Variants in CELF2 observed in about 807,000 individuals in gnomAD.
CELF2 encodes the protein CUGBP Elav-like family member 2.
A neutral mutation model predicts 62.6 loss-of-function variants in CELF2; 8 were observed. That is an observed-to-expected ratio of 0.13 (90% CI 0.07 to 0.23). The LOEUF is 0.23. Among genes scored for constraint, CELF2 ranks in the 10% least tolerant of loss-of-function variants. The pLI is 1.00. For missense variants in CELF2, 333 were observed against 671.0 expected, an observed-to-expected ratio of 0.50 and a Z score of 5.56; for synonymous variants, 258 against 250.0, an observed-to-expected ratio of 1.03 and a Z score of -0.30.
chr10:11,018,116 C>A lies in CELF2; in HGVS notation c.27C>A (p.Phe9Leu). The A allele has an allele frequency of 6.6e-7, 1 of 1,512,516 alleles. No individual in the cohort carries two copies. The allele number at this position is 1,512,516 out of a possible 1,614,324, so 93.7% of individuals were successfully genotyped here. A position where few individuals can be genotyped will look rare whatever the true frequency, so the allele number is the denominator to read the frequency against. The part of the protein sequence containing the change: MTSAFKLD[F>L]LPDMMVEGRL... ...TGACTTCTGCCTTCAAGCTGGATTT[C>A]CTCCCGGACATGATGGTCGAGGGCC... is the stretch of plus-strand genomic sequence containing the variant. The change falls in exon 1 of 13, where the codon TTC becomes TTA. Residue 9 changes from phenylalanine to leucine, a missense_variant. Phe to Leu is a conservative substitution (Grantham distance 22). Coordinates refer to ENST00000633077, the MANE Select transcript of CELF2 (RefSeq NM_001326342.2).
At chr10:11,108,915 A>G (rs2054393944) in intron 1 of CELF2, among the ~76,000 whole-genome samples, 1 of 152,144 alleles carries the variant, frequency 6.6e-6, no homozygotes, top group Non-Finnish European at 1.5e-5. Context: ...AATCTCTTCT[A>G]TAGTCTGGAT....
the CELF2 span, among the ~76,000 whole-genome samples, chr10:10,625,076 C>T: frequency 6.6e-6 from 1 of 152,162 alleles, no homozygotes; most frequent in South Asian, 2.1e-4. Context: ...TTCACACTGC[C>T]CTTTTGTGAC....
At chr10:10,559,786 C>T in the CELF2 span, among the ~76,000 whole-genome samples, 48 of 152,324 alleles carry the variant, frequency 3.2e-4, no homozygotes, top group African/African-American at 1.1e-3. Flanking sequence ...CCTTCACGCA[C>T]ATGTGGACTG....
At chr10:10,731,845 T>A in the CELF2 span, among the ~76,000 whole-genome samples, 1 of 152,276 alleles carries the variant, frequency 6.6e-6, no homozygotes, top group East Asian at 1.9e-4. Flanking sequence ...ACTTCCAGAC[T>A]GTGGAAAAGT....
chr10:11,200,070 T>G (rs1250621964), intron 2 of CELF2, among the ~76,000 whole-genome samples: 11 of 152,224 alleles, frequency 7.2e-5, no homozygotes, highest in African/African-American at 2.7e-4. Flanking sequence ...TGGTTGAGAA[T>G]GTATGATGTG....
the CELF2 span, among the ~76,000 whole-genome samples, chr10:10,696,195 T>G: frequency 1.3e-5 from 2 of 152,086 alleles, no homozygotes; most frequent in Non-Finnish European, 1.5e-5. Context: ...TGGATGTCCT[T>G]TCTGTTTGTT....
At chr10:10,627,245 G>C in the CELF2 span, among the ~76,000 whole-genome samples, 891 of 152,302 alleles carry the variant, frequency 5.9e-3, 10 homozygotes, top group African/African-American at 0.02. Flanking sequence ...TGAATAAACA[G>C]ATATACCTTC....
intron 1 of CELF2, among the ~76,000 whole-genome samples, chr10:10,857,683 T>TA (rs2059823307): frequency 5.1e-5 from 3 of 59,190 alleles, no homozygotes; most frequent in East Asian, 6.2e-4. Flanking sequence ...ATATATATAT[T>TA]TTACCTCAAT....
the CELF2 span, among the ~76,000 whole-genome samples, chr10:10,489,246 A>T: frequency 6.6e-6 from 1 of 152,104 alleles, no homozygotes; most frequent in African/African-American, 2.4e-5. Flanking sequence ...TCACTTCTCT[A>T]AAGGATTTTT....
chr10:10,473,676 G>A, the CELF2 span, among the ~76,000 whole-genome samples: 1 of 151,948 alleles, frequency 6.6e-6, no homozygotes, highest in African/African-American at 2.4e-5. Context: ...TAATGGTTAT[G>A]CCTATGGTTA....
chr10:11,317,824 C>G (rs1030747422), intron 10 of CELF2: 1 of 152,264 alleles, frequency 6.6e-6, no homozygotes, highest in Non-Finnish European at 1.5e-5. Context: ...GGCTGCGTGC[C>G]GGCCCTACTG....
intron 2 of CELF2, among the ~76,000 whole-genome samples, chr10:11,184,570 T>C (rs2074326237): frequency 6.6e-6 from 1 of 152,244 alleles, no homozygotes; most frequent in Non-Finnish European, 1.5e-5. Flanking sequence ...TTCTTTGATT[T>C]CTCTCACAAA....
chr10:10,598,045 C>T, the CELF2 span, among the ~76,000 whole-genome samples: 7 of 152,124 alleles, frequency 4.6e-5, no homozygotes, highest in African/African-American at 1.7e-4. Flanking sequence ...TAAAAAGGAA[C>T]CCTTTGGTAT....
the CELF2 span, among the ~76,000 whole-genome samples, chr10:10,676,235 G>C: frequency 6.6e-6 from 1 of 152,276 alleles, no homozygotes; most frequent in South Asian, 2.1e-4. Context: ...GAGTGGGCTA[G>C]AGTTGAGTTT....
the CELF2 span, among the ~76,000 whole-genome samples, chr10:10,584,778 G>A: frequency 4.6e-5 from 7 of 152,278 alleles, no homozygotes; most frequent in South Asian, 1.5e-3. Context: ...GTCCAATGCA[G>A]TAGCCACACG....
chr10:10,699,571 T>A, the CELF2 span, among the ~76,000 whole-genome samples: 2 of 152,194 alleles, frequency 1.3e-5, no homozygotes, highest in Admixed American at 1.3e-4. Context: ...TGATTTGCAG[T>A]TATCTAGGTA....
At chr10:10,547,665 C>CA in the CELF2 span, among the ~76,000 whole-genome samples, 1 of 125,264 alleles carries the variant, frequency 8.0e-6, no homozygotes, top group African/African-American at 3.4e-5. Context: ...CTTACAACAC[C>CA]AAAAAGATAG....
chr10:10,989,220 A>C (rs2053163551), intron 2 of CELF2, among the ~76,000 whole-genome samples: 1 of 152,168 alleles, frequency 6.6e-6, no homozygotes, highest in Non-Finnish European at 1.5e-5. Flanking sequence ...AATACCAATA[A>C]AAATTTCAGT....
chr10:10,522,862 G>T, the CELF2 span, among the ~76,000 whole-genome samples: 1 of 152,160 alleles, frequency 6.6e-6, no homozygotes, highest in African/African-American at 2.4e-5. Flanking sequence ...AAGCCACCGT[G>T]TCTGGCCACC....
Sources: allele counts gnomAD v4.1 joint callset (sites outside exome capture counted in the v4.1 genomes callset), GRCh38; gene constraint gnomAD v4.1.1; transcripts MANE v1.5; gene names NCBI Gene and HGNC (gene_info 2026-07-23, HGNC 2026-07-21).